TMEM145: variants seen among roughly 807,000 people sequenced by gnomAD.
The protein encoded by TMEM145 is transmembrane protein 145.
Under a neutral mutation model 68.5 loss-of-function variants are expected in TMEM145, and 46 were observed. The observed-to-expected ratio is 0.67, with a 90% CI of 0.53 to 0.86. TMEM145 has a LOEUF of 0.86. Ranked by LOEUF, TMEM145 falls within the 40% of genes least tolerant of loss-of-function variation. The pLI is 0.00. For missense variants in TMEM145, 570 were observed against 645.8 expected (o/e 0.88, Z 1.27); for synonymous variants, 255 against 280.2 (o/e 0.91, Z 0.90).
rs2038822651 is a variant in TMEM145 at position 42,313,442 on chromosome 19, A to G, written c.66A>G (p.Ser22=). The G allele has an allele frequency of 7.3e-7, 1 of 1,375,750 alleles. No individual in the cohort carries two copies. 85.2% of individuals were successfully genotyped at this position (1,375,750 alleles called of 1,614,324 possible). A position where few individuals can be genotyped will look rare whatever the true frequency, so the allele number is the denominator to read the frequency against. Residue 22 remains serine (S), a synonymous_variant, in exon 1 of 15, where the codon TCA becomes TCG. Transcript: ENST00000301204. The surrounding 1 kb of genome is among the most constrained non-coding windows in gnomAD (Gnocchi z 5.1). ...LLPPLLLLLL[S]LPPRARAKYV... is the part of the protein sequence containing the mutation. Reference sequence around the variant, plus strand: ...CGCCGCTGCTGCTCCTGCTGCTGTCACTGCCCCCCCGCGCCCGGGCCAAGT... The same window carrying G: ...CGCCGCTGCTGCTCCTGCTGCTGTCGCTGCCCCCCCGCGCCCGGGCCAAGT...
chr19:42,323,234 G>C (rs1328610544), intron 13 of TMEM145, among the ~76,000 whole-genome samples: 2 of 152,242 alleles, frequency 1.3e-5, no homozygotes, highest in Admixed American at 6.5e-5. Flanking sequence ...GTAGTGCATA[G>C]TGAGTGTGTA....
Position 42,324,863 on chromosome 19 carries a change from CTG to C in TMEM145, c.*49_*50del, listed in dbSNP as rs2038956861. On this transcript the variant is annotated 3_prime_UTR_variant, in exon 15 of 15. Coordinates refer to ENST00000301204, the MANE Select transcript of TMEM145 (RefSeq NM_173633.3). ...CCCGTGGTGACCGCCGGGACCCTGCCTGTGACTCTCCAGGACTCTGCGACCCC... is the reference window on the plus strand; with the variant it reads ...CCCGTGGTGACCGCCGGGACCCTGCCTGACTCTCCAGGACTCTGCGACCCC... 1 of 1,500,194 alleles carries C rather than the reference CTG, an allele frequency of 6.7e-7. No homozygotes were observed. The highest frequency in any genetic ancestry group is 8.8e-7 in the Non-Finnish European group (1 of 1,131,050). The allele number at this position is 1,500,194 out of a possible 1,614,324, so 92.9% of individuals were successfully genotyped here.
intron 1 of TMEM145, 24 bp from the exon 2 acceptor site, chr19:42,314,248 G>A: frequency 6.2e-7 from 1 of 1,613,664 alleles, no homozygotes; most frequent in Non-Finnish European, 8.5e-7. Flanking sequence ...CTCAGCGGAG[G>A]GTCAGACTGG....
Position 42,325,025 on chromosome 19 carries a change from CT to C in TMEM145, c.*210del. On this transcript the variant is annotated 3_prime_UTR_variant, in exon 15 of 15. Transcript: ENST00000301204. Reference sequence around the variant, plus strand: ...TCCCTGGCAGAAAGACATTTTACCCCTTCTTGCCAAAATAAAAAAGGATTCG... The same window carrying C: ...TCCCTGGCAGAAAGACATTTTACCCCTCTTGCCAAAATAAAAAAGGATTCG... The C allele has an allele frequency of 1.4e-6, 1 of 729,040 alleles. No homozygotes were observed. The highest frequency in any genetic ancestry group is 1.9e-6 in the Non-Finnish European group (1 of 522,020). The allele number at this position is 729,040 out of a possible 1,614,324, so 45.2% of individuals were successfully genotyped here.
intron 1 of TMEM145, 33 bp from the exon 2 acceptor site, chr19:42,314,239 T>C: frequency 6.2e-7 from 1 of 1,612,776 alleles, no homozygotes; most frequent in South Asian, 1.1e-5. Context: ...CTTGAAGGAC[T>C]CAGCGGAGGG....
chr19:42,317,049 C>A, intron 11 of TMEM145, 86 bp downstream of exon 11: 1 of 1,152,906 alleles, frequency 8.7e-7, no homozygotes, highest in South Asian at 1.3e-5. Context: ...CGCCCTTGCC[C>A]ACATCCTGCT....
chr19:42,313,330 C>A lies in TMEM145; in HGVS notation c.-47C>A. ...GCCCGCGCGCTCTCGCCTCCATTGC[C>A]GGGCCAGTGCGGGAGCCGGAGCGGA... On this transcript the variant is annotated 5_prime_UTR_variant, in exon 1 of 15. Transcript: ENST00000301204. This position sits in a 1 kb window ranked among gnomAD's most constrained non-coding sequence, Gnocchi z 5.1. 2 of 759,538 alleles carry A rather than the reference C, an allele frequency of 2.6e-6. No individual in the cohort carries two copies. The highest frequency in any genetic ancestry group is 3.6e-6 in the Non-Finnish European group (2 of 562,132). 47.0% of individuals were successfully genotyped at this position (759,538 alleles called of 1,614,324 possible).
chr19:42,320,560 T>C, intron 13 of TMEM145, 123 bp downstream of exon 13: 1 of 1,409,392 alleles, frequency 7.1e-7, no homozygotes, highest in Non-Finnish European at 9.8e-7. Flanking sequence ...CTTTTAGTCA[T>C]TCTCCCTTTA....
intron 14 of TMEM145, 117 bp downstream of exon 14, chr19:42,323,906 C>A: frequency 1.1e-6 from 1 of 894,950 alleles, no homozygotes; most frequent in Non-Finnish European, 1.7e-6. Flanking sequence ...CTCCTCCTGC[C>A]TTTCGCACTC....
At chr19:42,315,507 T>G (rs982344325) in intron 8 of TMEM145, 67 bp downstream of exon 8, 8 of 1,538,130 alleles carry the variant, frequency 5.2e-6, no homozygotes, top group Non-Finnish European at 7.2e-6. Context: ...CACCTGGGCC[T>G]AAGAGGAATG....
At position 42,324,810 on chromosome 19, in the gene TMEM145, A is replaced by G; in HGVS notation, c.1475A>G (p.Asp492Gly). Residue 492 changes from aspartate (D) to glycine (G), a missense_variant, in exon 15 of 15, where the codon GAC (aspartate) becomes GGC (glycine). Coordinates refer to ENST00000301204, the MANE Select transcript of TMEM145 (RefSeq NM_173633.3). ...RDLRPPGPLR[D>G]L ...CTCCGGCCCCCTGGCCCCCTTCGAG[A>G]CCTCTGACCCCGCTGGACTCCGGAA... The G allele has an allele frequency of 1.3e-6, 2 of 1,562,348 alleles. No individual in the cohort carries two copies.
At chr19:42,319,022 T>G (rs552414066) in intron 12 of TMEM145, among the ~76,000 whole-genome samples, 1 of 152,258 alleles carries the variant, frequency 6.6e-6, no homozygotes, top group East Asian at 1.9e-4. Context: ...AGACTGAGGT[T>G]GCAGTGAGTT....
Position 42,317,786 on chromosome 19 carries a change from C to A in TMEM145, c.978C>A (p.Ala326=). The A allele has an allele frequency of 6.2e-7, 1 of 1,614,174 alleles. No homozygotes were observed. Among genetic ancestry groups the A allele is most frequent in the Non-Finnish European group, 8.5e-7 (1 of 1,180,030 alleles). Residue 326 remains alanine, a synonymous_variant, in exon 12 of 15, where the codon GCC becomes GCA. Coordinates refer to ENST00000301204, the MANE Select transcript of TMEM145 (RefSeq NM_173633.3). The part of the protein sequence containing the change: ...GYGLIGLQVA[A]YVWFCYAVLV... ...GGCTCATTGGACTGCAGGTGGCGGC[C>A]TACGTGTGGTTCTGCTATGCTGTGC...
intron 8 of TMEM145, 69 bp downstream of exon 8, chr19:42,315,509 A>T: frequency 6.6e-7 from 1 of 1,509,780 alleles, no homozygotes; most frequent in Non-Finnish European, 9.1e-7. Flanking sequence ...CCTGGGCCTA[A>T]GAGGAATGCC....
At position 42,322,742 on chromosome 19, in the gene TMEM145, G is replaced by A. The variant is rs191843094; in HGVS notation, c.1195-841G>A. Among the ~76,000 whole-genome samples the A allele has an allele frequency of 4.6e-4, 69 of 149,784 alleles. No homozygotes were observed. In the East Asian group the frequency reaches 0.012, roughly 25 times the overall value. On this transcript the variant is annotated intron_variant, in intron 13 of 14. Transcript: ENST00000301204. ...TTTTGAGATGGAATCTTCCTCTGTC[G>A]TCCAGGTTGGAGTGCAGTGGCATGA...
At position 42,320,410 on chromosome 19, in the gene TMEM145, C is replaced by A. The variant is rs748604372; in HGVS notation, c.1167C>A (p.Ile389=). 2.1e-5 allele frequency: 34 copies of A among 1,613,988 alleles called. No individual in the cohort carries two copies. The highest frequency in any genetic ancestry group is 2.8e-5 in the Non-Finnish European group (33 of 1,180,038). Reference sequence around the variant, plus strand: ...TTGTCAATGGCATCCAGCTGGGGATCCACTTGTACGCCCATGGCGTGTTTC... The same window carrying A: ...TTGTCAATGGCATCCAGCTGGGGATACACTTGTACGCCCATGGCGTGTTTC... The part of the protein sequence containing the change: ...EKIVNGIQLG[I]HLYAHGVFLI... The change falls in exon 13 of 15, where the codon ATC becomes ATA. Residue 389 remains isoleucine (I), a synonymous_variant. Coordinates refer to ENST00000301204, the MANE Select transcript of TMEM145 (RefSeq NM_173633.3).
In TMEM145 at chr19:42,313,338, T is replaced by C. The variant is rs2038820259; in HGVS notation, c.-39T>C. The C allele has an allele frequency of 5.8e-6, 5 of 855,400 alleles. No individual in the cohort carries two copies. Among genetic ancestry groups the C allele is most frequent in the Admixed American group, 8.9e-5 (2 of 22,422 alleles). The allele number at this position is 855,400 out of a possible 1,614,324, so 53.0% of individuals were successfully genotyped here. A position where few individuals can be genotyped will look rare whatever the true frequency, so the allele number is the denominator to read the frequency against. ...GCTCTCGCCTCCATTGCCGGGCCAG[T>C]GCGGGAGCCGGAGCGGAGCCGGGGC... On this transcript the variant is annotated 5_prime_UTR_variant, in exon 1 of 15. Coordinates refer to ENST00000301204, the MANE Select transcript of TMEM145 (RefSeq NM_173633.3). The surrounding 1 kb of genome is among the most constrained non-coding windows in gnomAD (Gnocchi z 5.1).
At position 42,323,592 on chromosome 19, in the gene TMEM145, C is replaced by A. The variant is rs371558204; in HGVS notation, c.1204C>A (p.Arg402Ser). ...YAHGVFLIMT[R>S]PSAANKNFPY... Reference sequence around the variant, plus strand: ...CTGGCCCTGGCCTCAGATCATGACCCGCCCATCAGCGGCCAACAAGAACTT... The same window carrying A: ...CTGGCCCTGGCCTCAGATCATGACCAGCCCATCAGCGGCCAACAAGAACTT... Residue 402 changes from arginine to serine, a missense_variant, in exon 14 of 15, where the codon CGC becomes AGC. Transcript: ENST00000301204. 4 of 1,613,964 alleles carry A rather than the reference C, an allele frequency of 2.5e-6. No homozygotes were observed. Among genetic ancestry groups the A allele is most frequent in the African/African-American group, 2.7e-5 (2 of 75,050 alleles).
In TMEM145 at chr19:42,325,034, A is replaced by G. The variant is rs1203120148; in HGVS notation, c.*217A>G. Reference sequence around the variant, plus strand: ...GAAAGACATTTTACCCCTTCTTGCCAAAATAAAAAAGGATTCGTTTTTATC... The same window carrying G: ...GAAAGACATTTTACCCCTTCTTGCCGAAATAAAAAAGGATTCGTTTTTATC... On this transcript the variant is annotated 3_prime_UTR_variant, in exon 15 of 15. Transcript: ENST00000301204. The G allele has an allele frequency of 1.5e-6, 1 of 673,798 alleles. No individual in the cohort carries two copies. Among genetic ancestry groups the G allele is most frequent in the Non-Finnish European group, 2.1e-6 (1 of 473,992 alleles). 41.7% of individuals were successfully genotyped at this position (673,798 alleles called of 1,614,324 possible).
Sources: gnomAD v4.1 joint callset for allele counts (sites outside exome capture counted in the v4.1 genomes callset) on GRCh38, gnomAD v4.1.1 for gene constraint, Gnocchi (gnomAD v3.1) non-coding constraint, MANE v1.5 for transcripts, NCBI Gene and HGNC (gene_info 2026-07-23, HGNC 2026-07-21) for gene names.